Variants in SCML4 observed in about 807,000 individuals in gnomAD.
SCML4 encodes sex comb on midleg-like protein 4.
Under a neutral mutation model 41.1 loss-of-function variants are expected in SCML4, and 34 were observed. The ratio of observed to expected loss-of-function variants is 0.83; its 90% CI spans 0.63 to 1.10. The LOEUF (loss-of-function observed/expected upper bound fraction) is 1.10, where lower values mean the gene tolerates loss of function less well. Among genes scored for constraint, SCML4 ranks in the 50% least tolerant of loss-of-function variants. The probability of loss-of-function intolerance (pLI) is 0.00; values close to 1 mark genes in which losing one functional copy is unlikely to be tolerated. For missense variants in SCML4, 522 were observed against 534.1 expected (o/e 0.98, Z 0.22); for synonymous variants, 214 against 220.9 (o/e 0.97, Z 0.28).
intron 2 of SCML4, among the ~76,000 whole-genome samples, chr6:107,770,798 C>A (rs1562240323): frequency 3.9e-5 from 6 of 152,158 alleles, no homozygotes; most frequent in Non-Finnish European, 7.3e-5. Flanking sequence ...TGGGTCACAG[C>A]CTCCAGGAGA....
chr6:107,838,123 G>C, the SCML4 span, among the ~76,000 whole-genome samples: 1 of 152,208 alleles, frequency 6.6e-6, no homozygotes, highest in East Asian at 1.9e-4. Context: ...GGCCAGGCTG[G>C]TCTTGAACTC....
chr6:107,834,580 G>A, the SCML4 span, among the ~76,000 whole-genome samples: 2 of 152,162 alleles, frequency 1.3e-5, no homozygotes. Context: ...GTGACAATAC[G>A]CATTCTAGAG....
At chr6:107,716,975 T>G (rs1285212719) in intron 6 of SCML4, among the ~76,000 whole-genome samples, 2 of 151,852 alleles carry the variant, frequency 1.3e-5, no homozygotes, top group African/African-American at 4.8e-5. Flanking sequence ...CCTGCGGTTT[T>G]ATTTAGCACC....
At chr6:107,753,838 C>G (rs1429415093) in intron 2 of SCML4, among the ~76,000 whole-genome samples, 2 of 152,266 alleles carry the variant, frequency 1.3e-5, no homozygotes, top group East Asian at 3.9e-4. Context: ...ATGAGGGAGG[C>G]CGTGGCCTAA....
chr6:107,726,459 G>A (rs1244850941), intron 5 of SCML4, among the ~76,000 whole-genome samples: 2 of 149,446 alleles, frequency 1.3e-5, no homozygotes, highest in African/African-American at 5.0e-5. Flanking sequence ...CGTGAACCCG[G>A]GAGGTGGAGC....
At chr6:107,737,423 T>G (rs1230338809) in intron 5 of SCML4, among the ~76,000 whole-genome samples, 3 of 152,180 alleles carry the variant, frequency 2.0e-5, no homozygotes, top group Admixed American at 2.0e-4. Context: ...TTTATACAAG[T>G]GCCACCTCGA....
rs951001861 is a variant in SCML4, at chr6:107,785,610, C to T, written c.-59-13224G>A. 3.9e-5 allele frequency among the ~76,000 whole-genome samples: 6 copies of T among 152,138 alleles called. No individual in the cohort carries two copies. The East Asian group carries it at 5.8e-4, about 15-fold the overall frequency. On this transcript the variant is annotated intron_variant, in intron 1 of 7. Transcript: ENST00000369020. ...TCACTCTTCCAGGACTGAGATCAGC[C>T]GTGGTCCAGCCTTGCCTATGTGGCC...
chr6:107,734,354 T>C (rs1406460431), intron 5 of SCML4, among the ~76,000 whole-genome samples: 1 of 152,236 alleles, frequency 6.6e-6, no homozygotes, highest in African/African-American at 2.4e-5. Context: ...TCAACGTGAC[T>C]CAATATTACT....
At chr6:107,808,418 T>TTTTTTGTTTTTGTTTTTG (rs61157013) in intron 1 of SCML4, among the ~76,000 whole-genome samples, 1 of 151,728 alleles carries the variant, frequency 6.6e-6, no homozygotes, top group African/African-American at 2.4e-5. Flanking sequence ...TGCTGGTTTG[T>TTTTTTGTTTTTGTTTTTG]TTTTTGTTTT....
At chr6:107,756,322 G>T (rs1423339558) in intron 2 of SCML4, among the ~76,000 whole-genome samples, 2 of 152,142 alleles carry the variant, frequency 1.3e-5, no homozygotes, top group Non-Finnish European at 2.9e-5. Context: ...CTCACCATAT[G>T]ATGAAAATGC....
At chr6:107,732,086 A>G (rs894224871) in intron 5 of SCML4, 47 of 152,142 alleles carry the variant, frequency 3.1e-4, no homozygotes, top group African/African-American at 1.1e-3. Flanking sequence ...TCTGCTGTGA[A>G]TCTCTAACGG....
chr6:107,784,841 G>A (rs980320434), intron 1 of SCML4, among the ~76,000 whole-genome samples: 4 of 152,210 alleles, frequency 2.6e-5, no homozygotes, highest in African/African-American at 4.8e-5. Flanking sequence ...GGCCCGTGGT[G>A]TGTGCATTTG....
In SCML4 at chr6:107,734,927, A is replaced by G. The variant is rs148794382; in HGVS notation, c.682+10022T>C. Among the ~76,000 whole-genome samples the G allele has an allele frequency of 4.0e-3, 608 of 152,200 alleles. 7 individuals carry two copies. In the East Asian group the frequency reaches 0.052, roughly 13 times the overall value. On this transcript the variant is annotated intron_variant, in intron 5 of 7. Coordinates refer to ENST00000369020, the MANE Select transcript of SCML4 (RefSeq NM_198081.5). The stretch of plus-strand genomic sequence containing the variant: ...ATCATGCTCTGTCACCTAGGCTGGA[A>G]TGCAGTGGCACAATCTCAGCTCACA...
At chr6:107,755,666 TA>T (rs11433930) in intron 2 of SCML4, 187,283 of 1,018,724 alleles carry the variant, frequency 0.18, 2 homozygotes, top group South Asian at 0.21. Context: ...CTTAGGTTTC[TA>T]AAAAAAAAAA....
At chr6:107,751,166 G>A (rs1778587384) in intron 2 of SCML4, among the ~76,000 whole-genome samples, 1 of 152,108 alleles carries the variant, frequency 6.6e-6, no homozygotes, top group African/African-American at 2.4e-5. Flanking sequence ...AGAATAAATG[G>A]GTAAATGATA....
chr6:107,826,390 T>C (rs1347936144), upstream of SCML4, among the ~76,000 whole-genome samples: 1 of 152,216 alleles, frequency 6.6e-6, no homozygotes, highest in African/African-American at 2.4e-5. Flanking sequence ...ACAGCGGTTA[T>C]TATACTCACA....
chr6:107,706,410 TA>T (rs1773635671), intron 7 of SCML4, among the ~76,000 whole-genome samples: 1 of 152,188 alleles, frequency 6.6e-6, no homozygotes, highest in African/African-American at 2.4e-5. Flanking sequence ...ATATGCCTAA[TA>T]AAAGGCAAGT....
chr6:107,759,368 A>ATAC (rs61536006), intron 2 of SCML4, among the ~76,000 whole-genome samples: 93,606 of 148,820 alleles, frequency 0.63, 30,170 homozygotes, highest in Admixed American at 0.74. Context: ...TACATACATA[A>ATAC]GGCTGCTGTT....
chr6:107,787,908 C>A (rs532169082), intron 1 of SCML4, among the ~76,000 whole-genome samples: 1 of 152,348 alleles, frequency 6.6e-6, no homozygotes, highest in South Asian at 2.1e-4. Context: ...TTGGAAAACA[C>A]TGAAGTATCT....
Sources: gnomAD v4.1 joint callset for allele counts (sites outside exome capture counted in the v4.1 genomes callset) on GRCh38, gnomAD v4.1.1 for gene constraint, MANE v1.5 for transcripts, NCBI Gene and HGNC (gene_info 2026-07-23, HGNC 2026-07-21) for gene names.